PAPPA: variants seen among roughly 807,000 people sequenced by gnomAD.
PAPPA encodes pappalysin-1.
PAPPA carries 60 observed loss-of-function variants against 164.0 expected under a neutral mutation model. That is an observed-to-expected ratio of 0.37 (90% confidence interval 0.30 to 0.45). PAPPA has a LOEUF of 0.45. PAPPA is among the 20% of genes least tolerant of loss of function. PAPPA has a pLI of 1.00. For missense variants in PAPPA, 1,782 were observed against 2,087.3 expected (o/e 0.85, Z 2.85); for synonymous variants, 875 against 814.1 (o/e 1.07, Z -1.27).
At chr9:116,305,043 G>C (rs1220145898) in intron 10 of PAPPA, among the ~76,000 whole-genome samples, 1 of 151,140 alleles carries the variant, frequency 6.6e-6, no homozygotes, top group Admixed American at 6.6e-5. Context: ...CAAGTACCTA[G>C]AAGTCATTCA....
intron 1 of PAPPA, among the ~76,000 whole-genome samples, chr9:116,171,851 A>G (rs1843779572): frequency 6.6e-6 from 1 of 152,168 alleles, no homozygotes; most frequent in East Asian, 1.9e-4. Context: ...CAGCAAGACA[A>G]ACCCAAACAC....
Position 116,305,108 on chromosome 9 carries a change from C to T in PAPPA, c.3147+2158C>T, listed in dbSNP as rs188287016. On this transcript the variant is annotated intron_variant, in intron 10 of 21. Coordinates refer to ENST00000328252, the MANE Select transcript of PAPPA (RefSeq NM_002581.5). ...CACCACACACAGAGGCACAGGCACACGCATACACAAGTACGTGGGCACACA... is the reference window on the plus strand; with the variant it reads ...CACCACACACAGAGGCACAGGCACATGCATACACAAGTACGTGGGCACACA... Among the ~76,000 whole-genome samples the T allele has an allele frequency of 6.5e-4, 96 of 148,832 alleles. No individual in the cohort carries two copies. In the Middle Eastern group the frequency reaches 0.017, roughly 27 times the overall value.
chr9:116,230,259 CTT>C (rs1157576136), intron 6 of PAPPA, among the ~76,000 whole-genome samples: 5 of 152,184 alleles, frequency 3.3e-5, no homozygotes, highest in Admixed American at 3.3e-4. Flanking sequence ...AAGAAATAAA[CTT>C]TTCCATGAGC....
chr9:116,211,435 A>G (rs1021817547), intron 3 of PAPPA, among the ~76,000 whole-genome samples: 5 of 152,184 alleles, frequency 3.3e-5, no homozygotes, highest in African/African-American at 1.2e-4. Context: ...GAATTGTACA[A>G]AATGACTTTT....
At position 116,306,001 on chromosome 9, in the gene PAPPA, C is replaced by T. The variant is rs577116597; in HGVS notation, c.3147+3051C>T. Among the ~76,000 whole-genome samples, 4 of 152,252 alleles carry T rather than the reference C, an allele frequency of 2.6e-5. No homozygotes were observed. In the East Asian group the frequency reaches 7.7e-4, roughly 29 times the overall value. On this transcript the variant is annotated intron_variant, in intron 10 of 21. Coordinates refer to ENST00000328252, the MANE Select transcript of PAPPA (RefSeq NM_002581.5). ...GACAAGGTGGCCCTGTTCCATGATG[C>T]CCTGGAGTTCCCTAGGACACTCCAT... is the stretch of plus-strand genomic sequence containing the variant.
intron 1 of PAPPA, among the ~76,000 whole-genome samples, chr9:116,158,392 T>C (rs1264518639): frequency 1.3e-5 from 2 of 152,162 alleles, no homozygotes; most frequent in Non-Finnish European, 2.9e-5. Flanking sequence ...GGATCTAGAA[T>C]ATTGTAATAG....
rs1844378353 is a variant in PAPPA at position 116,216,801 on chromosome 9, G to T, written c.1919-3136G>T. On this transcript the variant is annotated intron_variant, in intron 4 of 21. Transcript: ENST00000328252. ...CTGTCGCCCAGGCTGGAGTGCAGTG[G>T]TGTGATCTCAGCTCACTGCAACTTC... Among the ~76,000 whole-genome samples, 3 of 152,194 alleles carry T rather than the reference G, an allele frequency of 2.0e-5. No individual in the cohort carries two copies. In the South Asian group the frequency reaches 6.2e-4, roughly 32 times the overall value.
chr9:116,342,212 C>A (rs2118971783), intron 13 of PAPPA, among the ~76,000 whole-genome samples: 1 of 152,090 alleles, frequency 6.6e-6, no homozygotes, highest in East Asian at 1.9e-4. Flanking sequence ...AAATTGGAAC[C>A]ATGTGGTTCC....
rs1204158863 is a variant in PAPPA, at chr9:116,377,579, G to C, written c.4609G>C (p.Val1537Leu). ...CTTTCTCTCCCTCTTCCCACAGAGA[G>C]TTGTCTGCACTGCTGGTCTCAAGTG... The part of the protein sequence containing the change: ...HWLNPTRVER[V>L]VCTAGLKWYP... The change falls in exon 20 of 22, where the codon GTT becomes CTT. Residue 1537 changes from valine to leucine, a missense_variant. Transcript: ENST00000328252. 6.2e-7 allele frequency: 1 copy of C among 1,612,982 alleles called. No homozygotes were observed. The highest frequency in any genetic ancestry group is 1.1e-5 in the South Asian group (1 of 91,026).
At chr9:116,199,932 A>G (rs1251900243) in intron 2 of PAPPA, among the ~76,000 whole-genome samples, 2 of 152,122 alleles carry the variant, frequency 1.3e-5, no homozygotes, top group Non-Finnish European at 2.9e-5. Flanking sequence ...ACCGACTCTC[A>G]CCGGAATTAG....
At chr9:116,264,689 A>G (rs1440388743) in intron 7 of PAPPA, among the ~76,000 whole-genome samples, 1 of 152,288 alleles carries the variant, frequency 6.6e-6, no homozygotes, top group East Asian at 1.9e-4. Context: ...CCAATGCTGG[A>G]ATCTGACAGG....
rs1344537752 is a variant in PAPPA, at chr9:116,154,425, G to A, written c.253G>A (p.Gly85Ser). Residue 85 changes from glycine to serine, a missense_variant, in exon 1 of 22, where the codon GGC becomes AGC. By Grantham distance (56) the Gly-to-Ser change is moderately conservative. Transcript: ENST00000328252. The surrounding 1 kb of genome is among the most constrained non-coding windows in gnomAD (Gnocchi z 5.2). ...GCGGCGGCAGCAGCGGGAGGCGAGG[G>A]GCGCCACCGAGGAGCCGAGCCCGCC... ...PRRRQQREARGATEEPSPPSR... is the reference protein window; with the variant it reads ...PRRRQQREARSATEEPSPPSR... 7.2e-6 allele frequency: 9 copies of A among 1,249,458 alleles called. No individual in the cohort carries two copies. The African/African-American group carries it at 9.4e-5, about 13-fold the overall frequency. 77.4% of individuals were successfully genotyped at this position (1,249,458 alleles called of 1,614,324 possible). A position where few individuals can be genotyped will look rare whatever the true frequency, so the allele number is the denominator to read the frequency against.
intron 19 of PAPPA, among the ~76,000 whole-genome samples, chr9:116,374,110 T>TATG (rs901635438): frequency 2.0e-5 from 3 of 151,486 alleles, no homozygotes; most frequent in Non-Finnish European, 4.4e-5. Context: ...GTGGTGGTGC[T>TATG]ATGATGATGA....
chr9:116,300,706 A>G (rs1459509159), intron 9 of PAPPA, among the ~76,000 whole-genome samples: 3 of 152,226 alleles, frequency 2.0e-5, no homozygotes, highest in Non-Finnish European at 4.4e-5. Flanking sequence ...GATACTTAGC[A>G]TCATAGAAAT....
chr9:116,157,638 G>T (rs1198209315), intron 1 of PAPPA, among the ~76,000 whole-genome samples: 1 of 152,054 alleles, frequency 6.6e-6, no homozygotes, highest in Non-Finnish European at 1.5e-5. Flanking sequence ...CTCCTCAGCG[G>T]CAGGAACTAG....
chr9:116,213,196 A>G (rs1423931620), intron 4 of PAPPA, among the ~76,000 whole-genome samples: 3 of 152,068 alleles, frequency 2.0e-5, no homozygotes, highest in African/African-American at 2.4e-5. Context: ...CTTTCTGACT[A>G]TTTTACATTT....
chr9:116,385,592 AC>A (rs1846799117), intron 21 of PAPPA, among the ~76,000 whole-genome samples: 1 of 152,174 alleles, frequency 6.6e-6, no homozygotes, highest in Non-Finnish European at 1.5e-5. Context: ...TCACTAAGGA[AC>A]CCCAGAACCA....
intron 1 of PAPPA, among the ~76,000 whole-genome samples, chr9:116,161,428 G>A (rs1366622959): frequency 6.6e-6 from 1 of 152,180 alleles, no homozygotes; most frequent in Non-Finnish European, 1.5e-5. Flanking sequence ...TGGGACAAGG[G>A]TGAAGGGCAG....
At chr9:116,204,042 G>A (rs1014336242) in intron 2 of PAPPA, among the ~76,000 whole-genome samples, 2 of 152,136 alleles carry the variant, frequency 1.3e-5, no homozygotes, top group African/African-American at 4.8e-5. Context: ...GTCAGTTTAG[G>A]TTCTTTCCCA....
Sources: allele counts gnomAD v4.1 joint callset (sites outside exome capture counted in the v4.1 genomes callset), GRCh38; gene constraint gnomAD v4.1.1; non-coding constraint Gnocchi (gnomAD v3.1); transcripts MANE v1.5; gene names NCBI Gene and HGNC (gene_info 2026-07-23, HGNC 2026-07-21).